The following SNX3 variants were observed in gnomAD, a reference collection of about 807,000 sequenced individuals.
The protein encoded by SNX3 is sorting nexin-3.
In SNX3, 5 loss-of-function variants were observed where a neutral mutation model predicts 17.7. That is an observed-to-expected ratio of 0.28 (90% confidence interval 0.15 to 0.59). The LOEUF (loss-of-function observed/expected upper bound fraction) is 0.59, where lower values mean the gene tolerates loss of function less well. Ranked by LOEUF, SNX3 falls within the 20% of genes least tolerant of loss-of-function variation. The pLI, the probability that SNX3 is intolerant of heterozygous loss-of-function variation, is 0.88. For synonymous variants in SNX3, 91 were observed against 76.5 expected, an observed-to-expected ratio of 1.19 and a Z score of -0.99; for missense variants, 132 against 206.8, an observed-to-expected ratio of 0.64 and a Z score of 2.22.
In SNX3 at chr6:108,212,023, CAT is replaced by C. The variant is rs1251116359; in HGVS notation, c.*124_*125del. On this transcript the variant is annotated 3_prime_UTR_variant, in exon 4 of 4. Transcript: ENST00000230085. Reference sequence around the variant, plus strand: ...ACTGCCAAAACAAAACAAAACTGAGCATATGAGTGTTAGTATACTGAAGGCAT... The same window carrying C: ...ACTGCCAAAACAAAACAAAACTGAGCATGAGTGTTAGTATACTGAAGGCAT... 4 of 572,910 alleles carry C rather than the reference CAT, an allele frequency of 7.0e-6. No individual in the cohort carries two copies. Among genetic ancestry groups the C allele is most frequent in the African/African-American group, 5.8e-5 (3 of 51,346 alleles). 35.5% of individuals were successfully genotyped at this position (572,910 alleles called of 1,614,324 possible).
At chr6:108,243,930 C>CA (rs1043381657) in intron 1 of SNX3, among the ~76,000 whole-genome samples, 1 of 152,028 alleles carries the variant, frequency 6.6e-6, no homozygotes, top group Non-Finnish European at 1.5e-5. Context: ...GAGACTGCCT[C>CA]AAAAATCAAA....
chr6:108,256,876 A>G (rs1004780422), intron 1 of SNX3, among the ~76,000 whole-genome samples: 8 of 152,204 alleles, frequency 5.3e-5, no homozygotes, highest in Non-Finnish European at 1.2e-4. Context: ...ACCCATTAGA[A>G]CAATTTTTAA....
At chr6:108,243,575 A>G (rs1216119372) in intron 1 of SNX3, among the ~76,000 whole-genome samples, 2 of 152,188 alleles carry the variant, frequency 1.3e-5, no homozygotes, top group Non-Finnish European at 2.9e-5. Flanking sequence ...TTAGAAAAAG[A>G]AAAAAGAAAT....
At chr6:108,241,509 G>A (rs558635105) in intron 1 of SNX3, among the ~76,000 whole-genome samples, 4 of 152,162 alleles carry the variant, frequency 2.6e-5, no homozygotes, top group African/African-American at 9.6e-5. Context: ...GAAAAAGGCT[G>A]AAGCCTCACT....
At chr6:108,226,689 A>C (rs1168455216) in intron 1 of SNX3, among the ~76,000 whole-genome samples, 1 of 152,206 alleles carries the variant, frequency 6.6e-6, no homozygotes, top group Non-Finnish European at 1.5e-5. Flanking sequence ...GCTTAATGCT[A>C]CTGGTAAGTA....
intron 2 of SNX3, among the ~76,000 whole-genome samples, chr6:108,221,818 TACAGGCGTA>T (rs1178863317): frequency 1.3e-5 from 2 of 152,226 alleles, no homozygotes; most frequent in African/African-American, 4.8e-5. Flanking sequence ...GTGCTGGGAT[TACAGGCGTA>T]AGCCACTGCA....
At chr6:108,227,127 T>C (rs1562424964) in intron 1 of SNX3, among the ~76,000 whole-genome samples, 1 of 152,234 alleles carries the variant, frequency 6.6e-6, no homozygotes, top group Non-Finnish European at 1.5e-5. Flanking sequence ...TAATTTCACC[T>C]ATTGGCTTTT....
intron 1 of SNX3, among the ~76,000 whole-genome samples, chr6:108,254,945 G>C (rs528585984): frequency 1.9e-4 from 29 of 152,198 alleles, no homozygotes; most frequent in Admixed American, 5.2e-4. Flanking sequence ...TTAAAATGAG[G>C]AAAGGACAAG....
chr6:108,246,790 T>C (rs926238704), intron 1 of SNX3, among the ~76,000 whole-genome samples: 1 of 151,946 alleles, frequency 6.6e-6, no homozygotes, highest in South Asian at 2.1e-4. Flanking sequence ...TCAGTGCAGA[T>C]TCTAATTCCT....
At chr6:108,255,163 G>A (rs1357834002) in intron 1 of SNX3, among the ~76,000 whole-genome samples, 1 of 152,170 alleles carries the variant, frequency 6.6e-6, no homozygotes, top group African/African-American at 2.4e-5. Context: ...TCTCCATTCT[G>A]GGGATGGATT....
chr6:108,260,271 G>A (rs914284044), intron 1 of SNX3, among the ~76,000 whole-genome samples: 2 of 152,090 alleles, frequency 1.3e-5, no homozygotes, highest in Non-Finnish European at 2.9e-5. Context: ...ATTAAGTCCC[G>A]TTCAGAAGAC....
intron 3 of SNX3, among the ~76,000 whole-genome samples, chr6:108,213,044 C>T (rs900036677): frequency 3.3e-5 from 5 of 151,760 alleles, no homozygotes; most frequent in South Asian, 2.1e-4. Flanking sequence ...AACACCACCA[C>T]GCCCCACTAA....
intron 1 of SNX3, among the ~76,000 whole-genome samples, chr6:108,235,721 C>A (rs1209589276): frequency 6.6e-6 from 1 of 152,054 alleles, no homozygotes; most frequent in Non-Finnish European, 1.5e-5. Context: ...TATGGTAAAA[C>A]CTCGTCTCTA....
intron 1 of SNX3, among the ~76,000 whole-genome samples, chr6:108,248,056 T>C (rs1295300957): frequency 6.6e-6 from 1 of 152,212 alleles, no homozygotes; most frequent in Non-Finnish European, 1.5e-5. Flanking sequence ...CACTCCAGTA[T>C]TATTACTGTG....
chr6:108,212,123 A>G lies in SNX3; in HGVS notation c.*26T>C. The G allele has an allele frequency of 8.1e-7, 1 of 1,227,224 alleles. No individual in the cohort carries two copies. Among genetic ancestry groups the G allele is most frequent in the South Asian group, 1.3e-5 (1 of 78,684 alleles). 76.0% of individuals were successfully genotyped at this position (1,227,224 alleles called of 1,614,324 possible). On this transcript the variant is annotated 3_prime_UTR_variant, in exon 4 of 4. Transcript: ENST00000230085. ...TGGTGCTTATCAATCATTAATAGTC[A>G]CGTTTTTGCCCCTTCTTGCCAAATT...
chr6:108,220,278 A>T (rs1774717261), intron 2 of SNX3, among the ~76,000 whole-genome samples: 1 of 151,914 alleles, frequency 6.6e-6, no homozygotes, highest in East Asian at 1.9e-4. Context: ...ATACTAACTG[A>T]CTCACCCAGA....
chr6:108,240,670 A>T (rs1233261378), intron 1 of SNX3, among the ~76,000 whole-genome samples: 1 of 152,176 alleles, frequency 6.6e-6, no homozygotes, highest in Non-Finnish European at 1.5e-5. Context: ...AGAAGTCCCA[A>T]ATGCAGGACT....
chr6:108,222,560 G>T (rs1247469980), intron 2 of SNX3, among the ~76,000 whole-genome samples: 1 of 152,070 alleles, frequency 6.6e-6, no homozygotes, highest in Non-Finnish European at 1.5e-5. Context: ...TATATGTGAT[G>T]AAAAAAACTT....
Position 108,241,143 on chromosome 6 carries a change from CAAAA to C in SNX3, c.163-18102_163-18099del, listed in dbSNP as rs71274311. Among the ~76,000 whole-genome samples the C allele has an allele frequency of 2.7e-3, 137 of 51,192 alleles. 1 individual carries two copies. The highest frequency in any genetic ancestry group is 8.6e-3 in the African/African-American group (131 of 15,298). The allele number at this position is 51,192 out of a possible 152,430, so 33.6% of individuals were successfully genotyped here. A position where few individuals can be genotyped will look rare whatever the true frequency, so the allele number is the denominator to read the frequency against. ...TGAGCGATAGAGCAAGACTCCGTCT[CAAAA>C]AAAAAAAAAAAAAAAAAAAAAAGTA... On this transcript the variant is annotated intron_variant, in intron 1 of 3. Coordinates refer to ENST00000230085, the MANE Select transcript of SNX3 (RefSeq NM_003795.6).
Sources: allele counts gnomAD v4.1 joint callset (sites outside exome capture counted in the v4.1 genomes callset), GRCh38; gene constraint gnomAD v4.1.1; transcripts MANE v1.5; gene names NCBI Gene and HGNC (gene_info 2026-07-23, HGNC 2026-07-21).